The following C1QTNF4 variants were observed in gnomAD, a reference collection of about 807,000 sequenced individuals.
The protein encoded by C1QTNF4 is C1q and TNF related 4.
A neutral mutation model predicts 14.6 loss-of-function variants in C1QTNF4; 12 were observed. The observed-to-expected ratio is 0.82, with a 90% CI of 0.53 to 1.33. The LOEUF is 1.33. Among genes scored for constraint, C1QTNF4 ranks in the 40% most tolerant of loss-of-function variants. The probability of loss-of-function intolerance (pLI) is 0.00; values close to 1 mark genes in which losing one functional copy is unlikely to be tolerated. For synonymous variants in C1QTNF4, 278 were observed against 246.6 expected, an observed-to-expected ratio of 1.13 and a Z score of -1.19; for missense variants, 558 against 500.3, an observed-to-expected ratio of 1.12 and a Z score of -1.10.
At chr11:47,592,353 TG>T (rs1424361104) in intron 1 of C1QTNF4, among the ~76,000 whole-genome samples, 1 of 152,152 alleles carries the variant, frequency 6.6e-6, no homozygotes, top group Non-Finnish European at 1.5e-5. Context: ...GCTTCCTCCA[TG>T]TAAATGGGGA....
chr11:47,590,093 G>A lies in C1QTNF4; in HGVS notation c.718C>T (p.Arg240Cys). Residue 240 changes from arginine (R) to cysteine (C), a missense_variant, in exon 2 of 2, where the codon CGT becomes TGT. Coordinates refer to ENST00000302514, the MANE Select transcript of C1QTNF4 (RefSeq NM_031909.3). ...ATCAGCTTAACCGACAGCGTCTTAC[G>A]CGGCAGCTTGCCCAGCGTGAAGGAG... is the stretch of plus-strand genomic sequence containing the variant. ...FFSFTLGKLP[R>C]KTLSVKLMKN... 1 of 1,612,344 alleles carries A rather than the reference G, an allele frequency of 6.2e-7. No homozygotes were observed. Among genetic ancestry groups the A allele is most frequent in the East Asian group, 2.2e-5 (1 of 44,790 alleles).
chr11:47,590,736 G>T lies in C1QTNF4; in HGVS notation c.75C>A (p.Ser25=). The change falls in exon 2 of 2, where the codon TCC becomes TCA. Residue 25 remains serine (S), a synonymous_variant. Transcript: ENST00000302514. ...WALGPTPGPG[S]SELRSAFSAA... ...CCGAGAAGGCCGAGCGCAGCTCAGAGGATCCCGGGCCGGGGGTCGGGCCCA... is the reference window on the plus strand; with the variant it reads ...CCGAGAAGGCCGAGCGCAGCTCAGATGATCCCGGGCCGGGGGTCGGGCCCA... The T allele has an allele frequency of 1.2e-6, 2 of 1,607,084 alleles. No individual in the cohort carries two copies. Among genetic ancestry groups the T allele is most frequent in the Non-Finnish European group, 8.5e-7 (1 of 1,177,506 alleles).
Position 47,590,376 on chromosome 11 carries a change from G to C in C1QTNF4, c.435C>G (p.Gly145=), listed in dbSNP as rs1242390103. The C allele has an allele frequency of 2.8e-6, 4 of 1,431,790 alleles. No individual in the cohort carries two copies. The highest frequency in any genetic ancestry group is 2.8e-5 in the East Asian group (1 of 36,338). 88.7% of individuals were successfully genotyped at this position (1,431,790 alleles called of 1,614,324 possible). A position where few individuals can be genotyped will look rare whatever the true frequency, so the allele number is the denominator to read the frequency against. ...RLHGAPQYAL[G]APGATFSGYL... is the part of the protein sequence containing the mutation. ...AGCCGCTGAAGGTGGCGCCGGGCGC[G>C]CCTAGCGCGTACTGCGGGGCGCCAT... Residue 145 remains glycine, a synonymous_variant, in exon 2 of 2, where the codon GGC becomes GGG. Transcript: ENST00000302514.
At chr11:47,593,683 C>T (rs2097276643) in intron 1 of C1QTNF4, among the ~76,000 whole-genome samples, 1 of 152,104 alleles carries the variant, frequency 6.6e-6, no homozygotes, top group Non-Finnish European at 1.5e-5. Flanking sequence ...GTTCCTGGCT[C>T]TGTCCAGGTG....
chr11:47,589,993 C>T lies in C1QTNF4; in HGVS notation c.818G>A (p.Ser273Asn). Reference protein sequence around the residue: ...ASRRREMQSQSVMLALRRGDA... With the variant: ...ASRRREMQSQNVMLALRRGDA... ...GCCGCGCCGCAGGGCCAGCATCACG[C>T]TCTGGCTCTGCATCTCGCGGCGCCG... The change falls in exon 2 of 2, where the codon AGC (serine) becomes AAC (asparagine). Residue 273 changes from serine (S) to asparagine (N), a missense_variant. Coordinates refer to ENST00000302514, the MANE Select transcript of C1QTNF4 (RefSeq NM_031909.3). 6.2e-7 allele frequency: 1 copy of T among 1,611,686 alleles called. No homozygotes were observed. Among genetic ancestry groups the T allele is most frequent in the South Asian group, 1.1e-5 (1 of 90,982 alleles).
At chr11:47,591,030 A>G (rs535965550) in intron 1 of C1QTNF4, among the ~76,000 whole-genome samples, 4 of 152,304 alleles carry the variant, frequency 2.6e-5, no homozygotes, top group African/African-American at 9.6e-5. Context: ...CCCCATCACC[A>G]GAGTTCATTC....
chr11:47,592,417 A>G (rs1337251644), intron 1 of C1QTNF4, among the ~76,000 whole-genome samples: 2 of 152,172 alleles, frequency 1.3e-5, no homozygotes, highest in Non-Finnish European at 2.9e-5. Flanking sequence ...AGGTGTGAAC[A>G]TGGTTTGTCA....
At position 47,590,356 on chromosome 11, in the gene C1QTNF4, C is replaced by T; in HGVS notation, c.455G>A (p.Ser152Asn). 7.3e-7 allele frequency: 1 copy of T among 1,372,100 alleles called. No individual in the cohort carries two copies. Among genetic ancestry groups the T allele is most frequent in the Non-Finnish European group, 9.3e-7 (1 of 1,071,254 alleles). The allele number at this position is 1,372,100 out of a possible 1,614,324, so 85.0% of individuals were successfully genotyped here. ...YALGAPGATF[S>N]GYLVYADADA... Reference sequence around the variant, plus strand: ...GGCGTCGGCGTAGACTAGGTAGCCGCTGAAGGTGGCGCCGGGCGCGCCTAG... The same window carrying T: ...GGCGTCGGCGTAGACTAGGTAGCCGTTGAAGGTGGCGCCGGGCGCGCCTAG... Residue 152 changes from serine (S) to asparagine (N), a missense_variant, in exon 2 of 2, where the codon AGC (serine) becomes AAC (asparagine). By Grantham distance (46) the Ser-to-Asn change is conservative (BLOSUM62 1). Coordinates refer to ENST00000302514, the MANE Select transcript of C1QTNF4 (RefSeq NM_031909.3).
chr11:47,590,196 G>A lies in C1QTNF4; in HGVS notation c.615C>T (p.Thr205=), dbSNP rs537677427. The change falls in exon 2 of 2, where the codon ACC becomes ACT. Residue 205 remains threonine, a synonymous_variant. Coordinates refer to ENST00000302514, the MANE Select transcript of C1QTNF4 (RefSeq NM_031909.3). ...AGTCGCCGCCAATGTTGACGAACTC[G>A]GTGTCGAAGGCGAGTGGTTGGTGCC... ...GPRHQPLAFD[T]EFVNIGGDFD... 4 of 1,587,366 alleles carry A rather than the reference G, an allele frequency of 2.5e-6. No individual in the cohort carries two copies. The African/African-American group carries it at 4.1e-5, about 16-fold the overall frequency.
Position 47,590,234 on chromosome 11 carries a change from C to T in C1QTNF4, c.577G>A (p.Gly193Ser), listed in dbSNP as rs777644897. Residue 193 changes from glycine (G) to serine (S), a missense_variant, in exon 2 of 2, where the codon GGC becomes AGC. Physicochemically the swap from Gly to Ser is moderately conservative, Grantham distance 56. Coordinates refer to ENST00000302514, the MANE Select transcript of C1QTNF4 (RefSeq NM_031909.3). ...AGTGGTTGGTGCCGCGGCCCGGGGC[C>T]AGCGTCCGAGCCCACCAAGCTGCGC... ...RTRSLVGSDAGPGPRHQPLAF... is the reference protein window; with the variant it reads ...RTRSLVGSDASPGPRHQPLAF... The T allele has an allele frequency of 7.9e-6, 12 of 1,517,336 alleles. No individual in the cohort carries two copies. Among genetic ancestry groups the T allele is most frequent in the African/African-American group, 2.8e-5 (2 of 71,790 alleles). 94.0% of individuals were successfully genotyped at this position (1,517,336 alleles called of 1,614,324 possible). A position where few individuals can be genotyped will look rare whatever the true frequency, so the allele number is the denominator to read the frequency against.
At chr11:47,591,280 ATG>A (rs1321953865) in intron 1 of C1QTNF4, among the ~76,000 whole-genome samples, 2 of 151,956 alleles carry the variant, frequency 1.3e-5, no homozygotes, top group Non-Finnish European at 2.9e-5. Flanking sequence ...GGGTTTCACC[ATG>A]TTGGCCAGGC....
rs2097274139 is a variant in C1QTNF4 at position 47,589,762 on chromosome 11, TC to T, written c.*58del. ...GGCGCTCGCGCGGGACTTTCGAGCC[TC>T]CGGCCCGGCCTGGCATGCACGCCCC... is the stretch of plus-strand genomic sequence containing the variant. On this transcript the variant is annotated 3_prime_UTR_variant, in exon 2 of 2. Coordinates refer to ENST00000302514, the MANE Select transcript of C1QTNF4 (RefSeq NM_031909.3). 1.5e-5 allele frequency: 21 copies of T among 1,414,024 alleles called. No homozygotes were observed. The highest frequency in any genetic ancestry group is 1.9e-5 in the Non-Finnish European group (21 of 1,078,384). The allele number at this position is 1,414,024 out of a possible 1,614,324, so 87.6% of individuals were successfully genotyped here.
Position 47,590,373 on chromosome 11 carries a change from C to A in C1QTNF4, c.438G>T (p.Ala146=). 1.4e-6 allele frequency: 2 copies of A among 1,391,326 alleles called. No individual in the cohort carries two copies. Among genetic ancestry groups the A allele is most frequent in the Non-Finnish European group, 1.8e-6 (2 of 1,082,474 alleles). The allele number at this position is 1,391,326 out of a possible 1,614,324, so 86.2% of individuals were successfully genotyped here. ...LHGAPQYALG[A]PGATFSGYLV... is the part of the protein sequence containing the mutation. Reference sequence around the variant, plus strand: ...GGTAGCCGCTGAAGGTGGCGCCGGGCGCGCCTAGCGCGTACTGCGGGGCGC... The same window carrying A: ...GGTAGCCGCTGAAGGTGGCGCCGGGAGCGCCTAGCGCGTACTGCGGGGCGC... Residue 146 remains alanine, a synonymous_variant, in exon 2 of 2, where the codon GCG becomes GCT. Coordinates refer to ENST00000302514, the MANE Select transcript of C1QTNF4 (RefSeq NM_031909.3).
At chr11:47,591,739 G>A (rs1376436216) in intron 1 of C1QTNF4, among the ~76,000 whole-genome samples, 1 of 152,208 alleles carries the variant, frequency 6.6e-6, no homozygotes, top group Non-Finnish European at 1.5e-5. Flanking sequence ...GAAACACTCT[G>A]GTTAAAGAGG....
intron 1 of C1QTNF4, among the ~76,000 whole-genome samples, chr11:47,593,204 C>A (rs1235173560): frequency 6.6e-6 from 1 of 152,190 alleles, no homozygotes; most frequent in African/African-American, 2.4e-5. Context: ...ACTCAAATTC[C>A]GTATGCCTTC....
chr11:47,594,490 C>G (rs1295752056), upstream of C1QTNF4: 2 of 152,478 alleles, frequency 1.3e-5, no homozygotes, highest in Admixed American at 6.5e-5. Context: ...GGGCTCCGCA[C>G]GGAGTCTGCG....
At chr11:47,591,678 G>A (rs757125083) in intron 1 of C1QTNF4, among the ~76,000 whole-genome samples, 94 of 152,312 alleles carry the variant, frequency 6.2e-4, no homozygotes, top group Admixed American at 1.8e-3. Flanking sequence ...GTGAGCCACC[G>A]CGCCCGGCCG....
chr11:47,590,463 G>A lies in C1QTNF4; in HGVS notation c.348C>T (p.Arg116=). The A allele has an allele frequency of 1.3e-6, 2 of 1,521,360 alleles. No individual in the cohort carries two copies. The highest frequency in any genetic ancestry group is 1.8e-6 in the Non-Finnish European group (2 of 1,138,116). The allele number at this position is 1,521,360 out of a possible 1,614,324, so 94.2% of individuals were successfully genotyped here. A position where few individuals can be genotyped will look rare whatever the true frequency, so the allele number is the denominator to read the frequency against. Residue 116 remains arginine (R), a synonymous_variant, in exon 2 of 2, where the codon CGC becomes CGT. Transcript: ENST00000302514. ...FDEQRRPGAR[R]AASQSAMLQL... is the part of the protein sequence containing the mutation. ...GCAGCATGGCGCTCTGGCTGGCTGCGCGCCGCGCGCCTGGCCGCCGCTGCT... is the reference window on the plus strand; with the variant it reads ...GCAGCATGGCGCTCTGGCTGGCTGCACGCCGCGCGCCTGGCCGCCGCTGCT...
chr11:47,593,881 T>G (rs1236025109), intron 1 of C1QTNF4, among the ~76,000 whole-genome samples: 1 of 151,880 alleles, frequency 6.6e-6, no homozygotes, highest in Admixed American at 6.6e-5. Context: ...CAACCTACCT[T>G]GAAAGCCCCT....
Sources: allele counts gnomAD v4.1 joint callset (sites outside exome capture counted in the v4.1 genomes callset), GRCh38; gene constraint gnomAD v4.1.1; transcripts MANE v1.5; gene names NCBI Gene and HGNC (gene_info 2026-07-23, HGNC 2026-07-21).